Variants in SERINC2 observed in about 807,000 individuals in gnomAD.
The protein encoded by SERINC2 is serine incorporator 2.
Under a neutral mutation model 54.2 loss-of-function variants are expected in SERINC2, and 56 were observed. That is an observed-to-expected ratio of 1.03 (90% CI 0.83 to 1.29). The LOEUF is 1.29. SERINC2 is among the 50% of genes most tolerant of loss of function. The probability of loss-of-function intolerance (pLI) is 0.00; values close to 1 mark genes in which losing one functional copy is unlikely to be tolerated. For synonymous variants in SERINC2, 272 were observed against 253.1 expected, an observed-to-expected ratio of 1.07 and a Z score of -0.71; for missense variants, 614 against 607.4, an observed-to-expected ratio of 1.01 and a Z score of -0.12.
intron 1 of SERINC2, among the ~76,000 whole-genome samples, chr1:31,420,881 C>G (rs1486599695): frequency 6.6e-6 from 1 of 152,226 alleles, no homozygotes. Flanking sequence ...CTGTTATCAA[C>G]TTGCTGTGTG....
chr1:31,431,805 CAGGGTGGACAGGGTGGATAGGGTGGAT>C (rs1641224975), intron 8 of SERINC2, among the ~76,000 whole-genome samples: 1 of 40,622 alleles, frequency 2.5e-5, no homozygotes, highest in African/African-American at 6.0e-5. Context: ...ATAGGGTGGA[CAGGGTGGACAGGGTGGATAGGGTGGAT>C]AGGGTGGATA....
chr1:31,427,875 C>A (rs1482428225), intron 6 of SERINC2, among the ~76,000 whole-genome samples: 5 of 134,910 alleles, frequency 3.7e-5, no homozygotes, highest in African/African-American at 1.1e-4. Context: ...GTTGCCCAGG[C>A]TGGAGTGCAG....
chr1:31,432,120 T>TGGACAGGGTGGAC (rs1557501414), intron 8 of SERINC2, among the ~76,000 whole-genome samples: 2 of 13,224 alleles, frequency 1.5e-4, no homozygotes, highest in Non-Finnish European at 3.8e-4. Flanking sequence ...ATAGGGTGGT[T>TGGACAGGGTGGAC]AGGGTGGATA....
chr1:31,425,629 G>T, intron 4 of SERINC2, 147 bp from the exon 5 acceptor site: 1 of 1,083,712 alleles, frequency 9.2e-7, no homozygotes, highest in Non-Finnish European at 1.4e-6. Flanking sequence ...CCCATATCCT[G>T]CCCTCTGTGC....
chr1:31,432,940 T>C, intron 8 of SERINC2, 27 bp from the exon 9 acceptor site: 1 of 1,565,096 alleles, frequency 6.4e-7, no homozygotes. Flanking sequence ...AGCTATCTAT[T>C]TGCCCACCTT....
chr1:31,409,948 A>G, upstream of SERINC2: 2 of 1,175,634 alleles, frequency 1.7e-6, no homozygotes, highest in Non-Finnish European at 2.4e-6. Context: ...GCCCAGTGAG[A>G]TCAGATTAGA....
At chr1:31,427,145 T>C (rs1363710704) in intron 6 of SERINC2, among the ~76,000 whole-genome samples, 2 of 152,192 alleles carry the variant, frequency 1.3e-5, no homozygotes, top group African/African-American at 4.8e-5. Flanking sequence ...ACATTAGCTA[T>C]TATTGTAGTT....
At position 31,423,739 on chromosome 1, in the gene SERINC2, G is replaced by C. The variant is rs1640957027; in HGVS notation, c.86G>C (p.Cys29Ser). The C allele has an allele frequency of 6.2e-7, 1 of 1,612,476 alleles. No individual in the cohort carries two copies. Among genetic ancestry groups the C allele is most frequent in the African/African-American group, 1.3e-5 (1 of 74,922 alleles). ...GCCCCCTGCATCCTGTGCAGCTGCT[G>C]CCCCGCCAGCCGCAACTCCACCGTG... Reference protein sequence around the residue: ...GSAPCILCSCCPASRNSTVSR... With the variant: ...GSAPCILCSCSPASRNSTVSR... Residue 29 changes from cysteine to serine, a missense_variant, in exon 2 of 10, where the codon TGC (cysteine) becomes TCC (serine). Cys to Ser is a moderately radical substitution (Grantham distance 112, BLOSUM62 -1). Transcript: ENST00000373709.
chr1:31,413,168 G>GCGGGGC (rs1305687522), upstream of SERINC2: 21 of 871,334 alleles, frequency 2.4e-5, no homozygotes, highest in African/African-American at 1.5e-4. The surrounding 1 kb of genome is among the most constrained non-coding windows in gnomAD (Gnocchi z 5.0). Context: ...CGGGGCCGGG[G>GCGGGGC]CGGGGCCGGG....
upstream of SERINC2, chr1:31,410,402 G>A (rs540475475): frequency 9.4e-5 from 146 of 1,548,314 alleles, no homozygotes; most frequent in South Asian, 1.7e-4. Flanking sequence ...GCATGAGGCT[G>A]AGAGAGGAGG....
At chr1:31,425,527 G>T (rs1641016761) in intron 4 of SERINC2, 118 bp downstream of exon 4, 2 of 923,164 alleles carry the variant, frequency 2.2e-6, no homozygotes, top group African/African-American at 3.2e-5. Context: ...CTGCTGGCTA[G>T]GTCCTCGCTC....
At chr1:31,431,796 TAGGGTGGACAGGGTGGAC>T (rs1557499816) in intron 8 of SERINC2, among the ~76,000 whole-genome samples, 839 of 10,856 alleles carry the variant, frequency 0.077, 53 homozygotes, top group Middle Eastern at 0.22. Flanking sequence ...ATAGGGTGGA[TAGGGTGGACAGGGTGGAC>T]AGGGTGGATA....
intron 1 of SERINC2, chr1:31,414,649 C>G: frequency 1.0e-6 from 1 of 985,516 alleles, no homozygotes; most frequent in Non-Finnish European, 1.2e-6. Context: ...AGGAATCAAG[C>G]TGGTGCCTGA....
intron 3 of SERINC2, among the ~76,000 whole-genome samples, chr1:31,425,116 C>T (rs4949209): frequency 0.45 from 67,736 of 152,052 alleles, 17,147 homozygotes; most frequent in Non-Finnish European, 0.57. Flanking sequence ...TGGGTGACCA[C>T]CCTCACCACT....
chr1:31,410,102 A>G, upstream of SERINC2: 1 of 1,280,232 alleles, frequency 7.8e-7, no homozygotes, highest in East Asian at 2.6e-5. Flanking sequence ...TGGTTTACAT[A>G]GCATTGGGTG....
At chr1:31,432,164 A>ATAGGGTGGT (rs1641303846) in intron 8 of SERINC2, among the ~76,000 whole-genome samples, 3 of 82,438 alleles carry the variant, frequency 3.6e-5, no homozygotes, top group Non-Finnish European at 4.4e-5. Context: ...GACAGGGTGG[A>ATAGGGTGGT]TAGGGTGGAT....
intron 5 of SERINC2, among the ~76,000 whole-genome samples, 176 bp from the exon 6 acceptor site, chr1:31,426,478 A>G (rs1182908465): frequency 6.6e-6 from 1 of 152,180 alleles, no homozygotes; most frequent in Non-Finnish European, 1.5e-5. Flanking sequence ...ATGTTAGCTC[A>G]GGGTGGGGCA....
rs782079659 is a variant in SERINC2 at position 31,425,969 on chromosome 1, CT to C, written c.610+57del. The C allele has an allele frequency of 8.3e-6, 13 of 1,564,776 alleles. No homozygotes were observed. In the African/African-American group the frequency reaches 1.4e-4, roughly 16 times the overall value. ...GACTCGAGCCTGGGCAGGGCTGGGGCTGCCTGAGAAATCGAGGGTCCTTGAA... is the reference window on the plus strand; with the variant it reads ...GACTCGAGCCTGGGCAGGGCTGGGGCGCCTGAGAAATCGAGGGTCCTTGAA... On this transcript the variant is annotated intron_variant, in intron 5 of 9. Coordinates refer to ENST00000373709, the MANE Select transcript of SERINC2 (RefSeq NM_178865.5).
At position 31,423,861 on chromosome 1, in the gene SERINC2, G is replaced by GC; in HGVS notation, c.201+11dup. ...GGAGAGTCAGCTCTACAAGGTGAGT[G>GC]CCCCAGGGGAGGCAGGGCGGCCTCC... is the stretch of plus-strand genomic sequence containing the variant. On this transcript the variant is annotated splice_region_variant and intron_variant, in intron 2 of 9. Coordinates refer to ENST00000373709, the MANE Select transcript of SERINC2 (RefSeq NM_178865.5). The GC allele has an allele frequency of 6.2e-7, 1 of 1,611,280 alleles. No homozygotes were observed. The highest frequency in any genetic ancestry group is 8.5e-7 in the Non-Finnish European group (1 of 1,177,856).
Sources: gnomAD v4.1 joint callset for allele counts (sites outside exome capture counted in the v4.1 genomes callset) on GRCh38, gnomAD v4.1.1 for gene constraint, Gnocchi (gnomAD v3.1) non-coding constraint, MANE v1.5 for transcripts, NCBI Gene and HGNC (gene_info 2026-07-23, HGNC 2026-07-21) for gene names.